Variants in CLDN10 observed in about 807,000 individuals in gnomAD.
CLDN10 encodes claudin-10.
In CLDN10, 15 loss-of-function variants were observed where a neutral mutation model predicts 22.9. The observed-to-expected ratio is 0.65, with a 90% CI of 0.44 to 1.01. CLDN10 has a LOEUF of 1.01. Among genes scored for constraint, CLDN10 ranks in the 50% least tolerant of loss-of-function variants. The probability of loss-of-function intolerance (pLI) is 0.00; values close to 1 mark genes in which losing one functional copy is unlikely to be tolerated. For synonymous variants in CLDN10, 114 were observed against 111.4 expected, an observed-to-expected ratio of 1.02 and a Z score of -0.15; for missense variants, 247 against 287.8, an observed-to-expected ratio of 0.86 and a Z score of 1.03.
At chr13:95,549,483 CT>C (rs916237804), upstream of CLDN10, among the ~76,000 whole-genome samples, 10 of 152,090 alleles carry the variant, frequency 6.6e-5, no homozygotes, top group African/African-American at 2.2e-4. Context: ...TCTGGACATT[CT>C]TTTTTTAGAT....
At chr13:95,471,966 GT>G (rs2042638474) in intron 1 of CLDN10, among the ~76,000 whole-genome samples, 2 of 42,116 alleles carry the variant, frequency 4.7e-5, no homozygotes, top group Non-Finnish European at 9.5e-5. Flanking sequence ...TTTTTTTTTG[GT>G]AGAGATAGAG....
intron 3 of CLDN10, among the ~76,000 whole-genome samples, chr13:95,572,216 T>C (rs1215010729): frequency 1.3e-5 from 2 of 152,168 alleles, no homozygotes; most frequent in African/African-American, 2.4e-5. Context: ...GAGAACTTAA[T>C]GAGCCAGGGA....
At chr13:95,506,757 G>A (rs539113432) in intron 1 of CLDN10, among the ~76,000 whole-genome samples, 24 of 152,324 alleles carry the variant, frequency 1.6e-4, no homozygotes, top group Non-Finnish European at 2.6e-4. Flanking sequence ...AGCCTTCTGA[G>A]AAGACTAAAA....
At chr13:95,574,563 A>T (rs538639802) in intron 3 of CLDN10, among the ~76,000 whole-genome samples, 114 of 152,308 alleles carry the variant, frequency 7.5e-4, no homozygotes, top group Admixed American at 1.2e-3. Context: ...TGAGGTCAGG[A>T]GTGCGAGACC....
intron 3 of CLDN10, among the ~76,000 whole-genome samples, chr13:95,574,806 A>G (rs913576362): frequency 6.6e-6 from 1 of 152,196 alleles, no homozygotes; most frequent in Admixed American, 6.5e-5. Flanking sequence ...GATATATTTA[A>G]AAAGATATTA....
At chr13:95,459,616 A>G (rs1326218533) in intron 1 of CLDN10, among the ~76,000 whole-genome samples, 1 of 152,220 alleles carries the variant, frequency 6.6e-6, no homozygotes, top group Admixed American at 6.5e-5. Flanking sequence ...GACTGGACAA[A>G]GTAGCAAGAC....
chr13:95,563,552 A>G (rs2043745981), intron 3 of CLDN10, among the ~76,000 whole-genome samples: 1 of 152,166 alleles, frequency 6.6e-6, no homozygotes, highest in African/African-American at 2.4e-5. Context: ...TGATATTGAG[A>G]ATGAGTTGAC....
intron 1 of CLDN10, among the ~76,000 whole-genome samples, chr13:95,465,592 A>G (rs1308385227): frequency 6.6e-6 from 1 of 152,230 alleles, no homozygotes; most frequent in East Asian, 1.9e-4. Context: ...CAGGTGAATA[A>G]CCATGCCAGC....
intron 1 of CLDN10, among the ~76,000 whole-genome samples, chr13:95,445,739 T>C (rs893830486): frequency 3.3e-5 from 5 of 152,204 alleles, no homozygotes; most frequent in African/African-American, 1.2e-4. Flanking sequence ...ACAGATTAGT[T>C]TGACCGAGTT....
intron 1 of CLDN10, among the ~76,000 whole-genome samples, chr13:95,487,239 C>T (rs1050249176): frequency 2.6e-5 from 4 of 152,242 alleles, no homozygotes; most frequent in Non-Finnish European, 4.4e-5. Flanking sequence ...AGAAGACTAT[C>T]TCCTGTTTGC....
At chr13:95,544,786 T>C (rs1401216082) in intron 1 of CLDN10, among the ~76,000 whole-genome samples, 5 of 152,062 alleles carry the variant, frequency 3.3e-5, no homozygotes, top group Non-Finnish European at 7.4e-5. Flanking sequence ...TTCAACTTTT[T>C]TTTTTTTTGA....
chr13:95,519,153 C>T (rs2043199796), intron 1 of CLDN10, among the ~76,000 whole-genome samples: 1 of 152,124 alleles, frequency 6.6e-6, no homozygotes, highest in South Asian at 2.1e-4. Context: ...TTCATTAGAG[C>T]TTGGTGTATT....
At chr13:95,535,081 A>C (rs937690370) in intron 1 of CLDN10, among the ~76,000 whole-genome samples, 2 of 152,168 alleles carry the variant, frequency 1.3e-5, no homozygotes, top group African/African-American at 4.8e-5. Flanking sequence ...TCCTGGGTGG[A>C]AGAACACTGC....
In CLDN10 at chr13:95,534,576, T is replaced by C. The variant is rs192441491; in HGVS notation, c.215-25556T>C. On this transcript the variant is annotated intron_variant, in intron 1 of 4. Coordinates refer to the CLDN10 transcript ENST00000376873. ...TCAATTCTCCATCTTCAGAAACTGA[T>C]TGTTATATAAAGAATTTAGTATAAT... 3.1e-3 allele frequency among the ~76,000 whole-genome samples: 473 copies of C among 152,274 alleles called. 4 individuals carry two copies. Among genetic ancestry groups the C allele is most frequent in the African/African-American group, 0.011 (456 of 41,578 alleles).
intron 3 of CLDN10, 89 bp downstream of exon 3, chr13:95,560,552 C>T: frequency 9.6e-7 from 1 of 1,040,400 alleles, no homozygotes; most frequent in South Asian, 1.4e-5. Flanking sequence ...TCCTATATGA[C>T]TTTTGAAAGT....
intron 1 of CLDN10, among the ~76,000 whole-genome samples, chr13:95,441,051 C>T (rs971647459): frequency 1.3e-5 from 2 of 152,192 alleles, no homozygotes; most frequent in South Asian, 2.1e-4. Context: ...TGGTCTCCCC[C>T]GTACCTACTG....
intron 3 of CLDN10, among the ~76,000 whole-genome samples, chr13:95,576,128 G>C (rs946171541): frequency 2.6e-5 from 4 of 152,170 alleles, no homozygotes; most frequent in African/African-American, 7.2e-5. Context: ...GGCTCAGGAC[G>C]AACCCAGGCA....
intron 1 of CLDN10, among the ~76,000 whole-genome samples, chr13:95,469,322 C>T (rs956357705): frequency 2.6e-5 from 4 of 152,044 alleles, no homozygotes; most frequent in African/African-American, 7.2e-5. Flanking sequence ...TAAGTTTCTG[C>T]GAATTCAGGG....
intron 1 of CLDN10, among the ~76,000 whole-genome samples, chr13:95,554,336 T>C (rs533055228): frequency 1.3e-5 from 2 of 152,342 alleles, no homozygotes; most frequent in Non-Finnish European, 1.5e-5. Flanking sequence ...TGTAACTCTA[T>C]TGTTCTCTGA....
Sources: allele counts gnomAD v4.1 joint callset (sites outside exome capture counted in the v4.1 genomes callset), GRCh38; gene constraint gnomAD v4.1.1; transcripts MANE v1.5; gene names NCBI Gene and HGNC (gene_info 2026-07-23, HGNC 2026-07-21).